The following ZBTB20 variants were observed in gnomAD, a reference collection of about 807,000 sequenced individuals.
ZBTB20 encodes zinc finger and BTB domain containing 20, also known as zinc finger and BTB domain-containing protein 20.
A neutral mutation model predicts 56.9 loss-of-function variants in ZBTB20; 9 were observed. That is an observed-to-expected ratio of 0.16 (90% confidence interval 0.10 to 0.28). The LOEUF (loss-of-function observed/expected upper bound fraction) is 0.28, where lower values mean the gene tolerates loss of function less well. Ranked by LOEUF, ZBTB20 falls within the 10% of genes least tolerant of loss-of-function variation. The pLI is 1.00. For synonymous variants in ZBTB20, 417 were observed against 420.7 expected (o/e 0.99, Z 0.11); for missense variants, 655 against 1,003.0 (o/e 0.65, Z 4.69).
chr3:114,548,055 T>C (rs1162567924), intron 6 of ZBTB20, among the ~76,000 whole-genome samples: 1 of 152,230 alleles, frequency 6.6e-6, no homozygotes, highest in Non-Finnish European at 1.5e-5. Flanking sequence ...GTGAATAAGA[T>C]GGCTTTTGGT....
chr3:115,092,643 G>A (rs1387464469), intron 1 of ZBTB20, among the ~76,000 whole-genome samples: 3 of 152,006 alleles, frequency 2.0e-5, no homozygotes, highest in East Asian at 1.9e-4. Context: ...CAGTGGACAC[G>A]GATCGCCTCT....
chr3:114,598,570 T>C (rs1160362091), intron 6 of ZBTB20, among the ~76,000 whole-genome samples: 1 of 152,100 alleles, frequency 6.6e-6, no homozygotes, highest in Non-Finnish European at 1.5e-5. Context: ...ATACTTTTGA[T>C]GTATTTGGGG....
intron 3 of ZBTB20, among the ~76,000 whole-genome samples, chr3:114,963,062 A>G (rs1245734887): frequency 6.6e-6 from 1 of 151,524 alleles, no homozygotes; most frequent in East Asian, 1.9e-4. Context: ...TTCAATTTAG[A>G]CTTTTCATTC....
chr3:114,632,155 T>C, intron 6 of ZBTB20, among the ~76,000 whole-genome samples: 1 of 152,216 alleles, frequency 6.6e-6, no homozygotes, highest in Admixed American at 6.5e-5. Flanking sequence ...GTCTACTTGT[T>C]ACCTCACAGT....
chr3:114,471,038 T>C (rs994311268), intron 7 of ZBTB20, among the ~76,000 whole-genome samples: 2 of 152,098 alleles, frequency 1.3e-5, no homozygotes, highest in East Asian at 1.9e-4. Context: ...GTTCAGAAAA[T>C]ATGTAGTGTC....
rs961529162 is a variant in ZBTB20, at chr3:115,141,145, A to G, written c.-703+6074T>C. Among the ~76,000 whole-genome samples, 8 of 152,274 alleles carry G rather than the reference A, an allele frequency of 5.3e-5. 1 individual carries two copies. The South Asian group carries it at 8.3e-4, about 16-fold the overall frequency. ...CCCAAAGAACAAAAGTGACCTCATG[A>G]TATGGGAATCACTGAAAAAAACATT... is the stretch of plus-strand genomic sequence containing the variant. On this transcript the variant is annotated intron_variant, in intron 1 of 11. Coordinates refer to ENST00000675478, the MANE Select transcript of ZBTB20 (RefSeq NM_001348800.3).
intron 2 of ZBTB20, among the ~76,000 whole-genome samples, chr3:115,025,626 A>C (rs1017222527): frequency 5.3e-5 from 8 of 150,914 alleles, no homozygotes; most frequent in Admixed American, 4.0e-4. Context: ...CAAATTGAGG[A>C]AAGCCTTATT....
intron 7 of ZBTB20, among the ~76,000 whole-genome samples, chr3:114,427,712 A>T (rs1576710770): frequency 6.6e-6 from 1 of 152,378 alleles, no homozygotes; most frequent in East Asian, 1.9e-4. Flanking sequence ...TCTTCCCCTC[A>T]GCACTCACCA....
intron 3 of ZBTB20, among the ~76,000 whole-genome samples, chr3:114,939,510 T>G (rs1361779980): frequency 6.8e-6 from 1 of 146,418 alleles, no homozygotes; most frequent in Non-Finnish European, 1.5e-5. Flanking sequence ...TAATAGGAAG[T>G]TTTTTTGCAT....
At chr3:114,754,847 T>G (rs542625894) in intron 5 of ZBTB20, among the ~76,000 whole-genome samples, 2 of 152,350 alleles carry the variant, frequency 1.3e-5, no homozygotes, top group East Asian at 3.9e-4. Context: ...TCACATATTA[T>G]TGAGTATGTA....
intron 6 of ZBTB20, among the ~76,000 whole-genome samples, chr3:114,638,909 A>G (rs568646530): frequency 6.6e-6 from 1 of 152,226 alleles, no homozygotes; most frequent in East Asian, 1.9e-4. Context: ...CAAGTCTTCT[A>G]TTAAATGTGA....
intron 10 of ZBTB20, among the ~76,000 whole-genome samples, chr3:114,355,086 T>G (rs1479928523): frequency 6.6e-6 from 1 of 152,170 alleles, no homozygotes; most frequent in Non-Finnish European, 1.5e-5. Flanking sequence ...GTTATCTTAA[T>G]TCTCAGCAGA....
At chr3:114,767,904 A>C (rs548143489) in intron 5 of ZBTB20, among the ~76,000 whole-genome samples, 1 of 152,214 alleles carries the variant, frequency 6.6e-6, no homozygotes, top group Non-Finnish European at 1.5e-5. Context: ...AAACTTATCA[A>C]CCTTCTCTCC....
Position 114,992,802 on chromosome 3 carries a change from A to C in ZBTB20, c.-506-18386T>G, listed in dbSNP as rs991846280. ...TCTTAGGGTTCTGGGGGAAAAAAAA[A>C]CATAGAAAATGAAACCCAGATACGT... On this transcript the variant is annotated intron_variant, in intron 2 of 11. Coordinates refer to ENST00000675478, the MANE Select transcript of ZBTB20 (RefSeq NM_001348800.3). 7.9e-5 allele frequency among the ~76,000 whole-genome samples: 12 copies of C among 152,058 alleles called. No homozygotes were observed. The South Asian group carries it at 1.2e-3, about 16-fold the overall frequency.
intron 1 of ZBTB20, among the ~76,000 whole-genome samples, chr3:115,131,803 A>G (rs1371682532): frequency 1.3e-5 from 2 of 152,186 alleles, no homozygotes; most frequent in African/African-American, 4.8e-5. Flanking sequence ...ATTTTTTTAC[A>G]TGGAGATCAT....
intron 5 of ZBTB20, among the ~76,000 whole-genome samples, chr3:114,717,614 C>G (rs932019877): frequency 6.6e-6 from 1 of 152,096 alleles, no homozygotes; most frequent in African/African-American, 2.4e-5. Context: ...ATATGCTATT[C>G]TTTTGATCCC....
At chr3:114,651,718 C>G (rs1242746945) in intron 6 of ZBTB20, among the ~76,000 whole-genome samples, 1 of 152,002 alleles carries the variant, frequency 6.6e-6, no homozygotes, top group Non-Finnish European at 1.5e-5. Context: ...ATTTAGAAAG[C>G]AGTATCATTC....
rs2079217161 is a variant in ZBTB20, at chr3:114,330,654, T to C, written c.*8351A>G. The C allele has an allele frequency of 6.6e-6, 1 of 152,168 alleles. No homozygotes were observed. Among genetic ancestry groups the C allele is most frequent in the Non-Finnish European group, 1.5e-5 (1 of 68,012 alleles). The allele number at this position is 152,168 out of a possible 1,614,324, so 9.4% of individuals were successfully genotyped here. ...TTAAAAAGTAATAACGACAAAAAAG[T>C]TGCAACTGTAAGTAGCCTTACTTAA... On this transcript the variant is annotated 3_prime_UTR_variant, in exon 12 of 12. Transcript: ENST00000675478.
intron 11 of ZBTB20, among the ~76,000 whole-genome samples, chr3:114,344,048 C>CAA (rs58864839): frequency 2.7e-5 from 4 of 148,068 alleles, no homozygotes; most frequent in African/African-American, 9.9e-5. Flanking sequence ...GACTCCATCT[C>CAA]AAAAAAAAAA....
Sources: gnomAD v4.1 joint callset for allele counts (sites outside exome capture counted in the v4.1 genomes callset) on GRCh38, gnomAD v4.1.1 for gene constraint, MANE v1.5 for transcripts, NCBI Gene and HGNC (gene_info 2026-07-23, HGNC 2026-07-21) for gene names.